The following PDCD1LG2 variants were observed in gnomAD, a reference collection of about 807,000 sequenced individuals.
PDCD1LG2 encodes the protein B7 dendritic cell molecule.
A neutral mutation model predicts 28.2 loss-of-function variants in PDCD1LG2; 32 were observed. The observed-to-expected ratio is 1.13, with a 90% CI of 0.86 to 1.52. PDCD1LG2 has a LOEUF of 1.52. PDCD1LG2 is among the 40% of genes most tolerant of loss of function. The pLI is 0.00. For missense variants in PDCD1LG2, 385 were observed against 323.8 expected, an observed-to-expected ratio of 1.19 and a Z score of -1.45; for synonymous variants, 116 against 120.2, an observed-to-expected ratio of 0.97 and a Z score of 0.23.
chr9:5,542,985 TAC>T (rs1342539655), intron 3 of PDCD1LG2, among the ~76,000 whole-genome samples: 2 of 152,142 alleles, frequency 1.3e-5, no homozygotes, highest in East Asian at 1.9e-4. Context: ...ATATTATACA[TAC>T]ATATATATAT....
At chr9:5,543,965 A>C (rs1385918415) in intron 3 of PDCD1LG2, among the ~76,000 whole-genome samples, 1 of 152,186 alleles carries the variant, frequency 6.6e-6, no homozygotes, top group Admixed American at 6.5e-5. Context: ...GCAGTCCTAA[A>C]AGATTTAACT....
At chr9:5,561,159 T>G (rs976379787) in intron 5 of PDCD1LG2, among the ~76,000 whole-genome samples, 20 of 152,238 alleles carry the variant, frequency 1.3e-4, no homozygotes, top group African/African-American at 4.8e-4. Flanking sequence ...AATAGCCATC[T>G]GTGGCTCTTT....
At chr9:5,545,001 A>G (rs1004688435) in intron 3 of PDCD1LG2, among the ~76,000 whole-genome samples, 3 of 152,248 alleles carry the variant, frequency 2.0e-5, no homozygotes, top group African/African-American at 7.2e-5. Context: ...TGAAGACTGT[A>G]TCTTGTGAGA....
chr9:5,536,170 C>T (rs1034962387), intron 3 of PDCD1LG2, among the ~76,000 whole-genome samples: 8 of 152,304 alleles, frequency 5.3e-5, no homozygotes, highest in African/African-American at 1.7e-4. Context: ...CGCCCTTATC[C>T]TTGGGCAGGT....
At chr9:5,536,005 C>T (rs534710824) in intron 3 of PDCD1LG2, among the ~76,000 whole-genome samples, 8 of 152,312 alleles carry the variant, frequency 5.3e-5, no homozygotes, top group East Asian at 3.9e-4. Flanking sequence ...TCCCCTCCCA[C>T]GCATTGGACC....
chr9:5,538,407 C>A (rs10975167), intron 3 of PDCD1LG2, among the ~76,000 whole-genome samples: 1 of 151,804 alleles, frequency 6.6e-6, no homozygotes, highest in South Asian at 2.1e-4. Flanking sequence ...CACATTAGGC[C>A]GGGCGCGGTG....
chr9:5,549,682 GGA>G, intron 4 of PDCD1LG2, 78 bp downstream of exon 4: 1 of 1,542,174 alleles, frequency 6.5e-7, no homozygotes, highest in South Asian at 1.2e-5. Flanking sequence ...AGTGATTTGA[GGA>G]GAGTGTAATA....
chr9:5,524,483 T>C (rs1820334618), intron 2 of PDCD1LG2, among the ~76,000 whole-genome samples: 1 of 152,266 alleles, frequency 6.6e-6, no homozygotes, highest in East Asian at 1.9e-4. Context: ...GGAATTCTTT[T>C]CTGCTTTCCA....
intron 1 of PDCD1LG2, among the ~76,000 whole-genome samples, chr9:5,515,389 G>A (rs1820137563): frequency 6.6e-6 from 1 of 152,198 alleles, no homozygotes; most frequent in Non-Finnish European, 1.5e-5. Context: ...TTCTGTTACA[G>A]CTCTTTCAGT....
At chr9:5,537,411 T>C (rs1311476618) in intron 3 of PDCD1LG2, among the ~76,000 whole-genome samples, 1 of 152,232 alleles carries the variant, frequency 6.6e-6, no homozygotes, top group Non-Finnish European at 1.5e-5. Context: ...TCATCTTTCA[T>C]GTTTAATAAT....
intron 6 of PDCD1LG2, among the ~76,000 whole-genome samples, chr9:5,567,113 C>G (rs934858747): frequency 6.6e-6 from 1 of 152,212 alleles, no homozygotes; most frequent in Admixed American, 6.5e-5. Flanking sequence ...CCACTCACCT[C>G]TCTAGATCCC....
intron 5 of PDCD1LG2, among the ~76,000 whole-genome samples, chr9:5,560,910 G>A (rs1479969644): frequency 2.6e-5 from 4 of 152,108 alleles, no homozygotes; most frequent in African/African-American, 4.8e-5. Flanking sequence ...TTTGGGGCTC[G>A]AGGGTGACCT....
intron 3 of PDCD1LG2, among the ~76,000 whole-genome samples, chr9:5,544,704 AG>A (rs1239348489): frequency 6.6e-6 from 1 of 151,614 alleles, no homozygotes; most frequent in Non-Finnish European, 1.5e-5. Flanking sequence ...AAAAGCTAGT[AG>A]TTGTTGAGTC....
intron 4 of PDCD1LG2, among the ~76,000 whole-genome samples, chr9:5,550,969 A>G (rs930958638): frequency 5.6e-4 from 85 of 152,212 alleles, no homozygotes; most frequent in African/African-American, 2.0e-3. Context: ...CTAGGATTAC[A>G]GGCGTGAGCC....
rs1389590719 is a variant in PDCD1LG2 at position 5,556,430 on chromosome 9, G to T, written c.632-1188G>T. Among the ~76,000 whole-genome samples the T allele has an allele frequency of 2.0e-5, 3 of 152,180 alleles. 1 individual carries two copies. Among genetic ancestry groups the T allele is most frequent in the Non-Finnish European group, 4.4e-5 (3 of 68,032 alleles). The stretch of plus-strand genomic sequence containing the variant: ...CTTTTGGATGGAGACAAATATCTGT[G>T]GGGGCTGAGCTTTGGGTCAGATAGA... On this transcript the variant is annotated intron_variant, in intron 4 of 6. Transcript: ENST00000397747.
chr9:5,523,797 T>C (rs1820321737), intron 2 of PDCD1LG2, among the ~76,000 whole-genome samples: 1 of 152,184 alleles, frequency 6.6e-6, no homozygotes, highest in Non-Finnish European at 1.5e-5. Context: ...GACTGGGGGC[T>C]TCAGGAGAAA....
intron 5 of PDCD1LG2, among the ~76,000 whole-genome samples, chr9:5,562,908 C>T (rs1422872087): frequency 3.3e-5 from 5 of 152,208 alleles, no homozygotes; most frequent in Non-Finnish European, 7.3e-5. Flanking sequence ...AAATTAGTCC[C>T]TCAGCCTTTA....
intron 5 of PDCD1LG2, among the ~76,000 whole-genome samples, chr9:5,562,756 C>T (rs1451531643): frequency 6.6e-6 from 1 of 152,208 alleles, no homozygotes; most frequent in African/African-American, 2.4e-5. Flanking sequence ...GAGCCAGTAT[C>T]AGTCACTTAT....
chr9:5,511,439 G>C (rs1404590735), intron 1 of PDCD1LG2, among the ~76,000 whole-genome samples: 1 of 152,230 alleles, frequency 6.6e-6, no homozygotes, highest in African/African-American at 2.4e-5. Context: ...TGGATGCACT[G>C]AGTAGAAGAG....
Sources: gnomAD v4.1 joint callset for allele counts (sites outside exome capture counted in the v4.1 genomes callset) on GRCh38, gnomAD v4.1.1 for gene constraint, MANE v1.5 for transcripts, NCBI Gene and HGNC (gene_info 2026-07-23, HGNC 2026-07-21) for gene names.